Variants in ZNF490 observed in about 807,000 individuals in gnomAD.
ZNF490 encodes zinc finger protein 490.
Under a neutral mutation model 17.7 loss-of-function variants are expected in ZNF490, and 11 were observed. The ratio of observed to expected loss-of-function variants is 0.62; its 90% CI spans 0.39 to 1.03. ZNF490 has a LOEUF of 1.03. Ranked by LOEUF, ZNF490 falls within the 50% of genes least tolerant of loss-of-function variation. The probability of loss-of-function intolerance (pLI) is 0.00; values close to 1 mark genes in which losing one functional copy is unlikely to be tolerated. For missense variants in ZNF490, 542 were observed against 643.4 expected, an observed-to-expected ratio of 0.84 and a Z score of 1.71; for synonymous variants, 222 against 216.1, an observed-to-expected ratio of 1.03 and a Z score of -0.24.
Position 12,580,158 on chromosome 19 carries a change from G to C in ZNF490, c.*327C>G. The C allele has an allele frequency of 2.8e-6, 3 of 1,056,286 alleles. No homozygotes were observed. The highest frequency in any genetic ancestry group is 3.4e-6 in the Non-Finnish European group (3 of 875,840). The allele number at this position is 1,056,286 out of a possible 1,614,324, so 65.4% of individuals were successfully genotyped here. ...CCCCACAAAAGATGGGATGGATATA[G>C]AATTTTCTTTATAGTTTCTCTCCAG... On this transcript the variant is annotated 3_prime_UTR_variant, in exon 5 of 5. Transcript: ENST00000311437.
Position 12,581,464 on chromosome 19 carries a change from G to A in ZNF490, c.611C>T (p.Thr204Ile). The A allele has an allele frequency of 6.2e-7, 1 of 1,614,238 alleles. No individual in the cohort carries two copies. The highest frequency in any genetic ancestry group is 8.5e-7 in the Non-Finnish European group (1 of 1,180,046). Reference protein sequence around the residue: ...HKCKECGKTFTRSSSIRTHER... With the variant: ...HKCKECGKTFIRSSSIRTHER... ...ATGGGTTCGAATACTGGAGCTGCGA[G>A]TGAAGGTTTTCCCACATTCTTTGCA... Residue 204 changes from threonine (T) to isoleucine (I), a missense_variant, in exon 5 of 5, where the codon ACT becomes ATT. Physicochemically the swap from Thr to Ile is moderately conservative, Grantham distance 89. Transcript: ENST00000311437.
chr19:12,604,923 G>A (rs1243989055), intron 2 of ZNF490, among the ~76,000 whole-genome samples: 1 of 151,988 alleles, frequency 6.6e-6, no homozygotes, highest in Non-Finnish European at 1.5e-5. Context: ...GGAGGCCAAG[G>A]CAGATGGATC....
intron 2 of ZNF490, among the ~76,000 whole-genome samples, chr19:12,587,678 T>C (rs1354005617): frequency 1.1e-5 from 1 of 91,794 alleles, no homozygotes; most frequent in Non-Finnish European, 2.9e-5. Context: ...GAGAAAGATA[T>C]ACTATGCTAA....
At position 12,581,344 on chromosome 19, in the gene ZNF490, T is replaced by G. The variant is rs1293810244; in HGVS notation, c.731A>C (p.His244Pro). The change falls in exon 5 of 5, where the codon CAT becomes CCT. Residue 244 changes from histidine (H) to proline (P), a missense_variant. Physicochemically the swap from His to Pro is moderately conservative, Grantham distance 77. Transcript: ENST00000311437. The stretch of plus-strand genomic sequence containing the variant: ...ACATTCATAGGGTGTCTCTCCAGTA[T>G]GAATTCTTATATGGTTTCGAAAGGA... ...LFSFRNHIRIHTGETPYECKE... is the reference protein window; with the variant it reads ...LFSFRNHIRIPTGETPYECKE... 1 of 1,614,220 alleles carries G rather than the reference T, an allele frequency of 6.2e-7. No individual in the cohort carries two copies. The highest frequency in any genetic ancestry group is 1.7e-5 in the Admixed American group (1 of 60,022).
intron 2 of ZNF490, among the ~76,000 whole-genome samples, chr19:12,599,889 T>A (rs1405071567): frequency 6.6e-6 from 1 of 152,162 alleles, no homozygotes; most frequent in East Asian, 1.9e-4. Context: ...TTAAAGGGGG[T>A]ATTATCCAGT....
intron 2 of ZNF490, among the ~76,000 whole-genome samples, chr19:12,594,432 C>T (rs1341672644): frequency 6.6e-6 from 1 of 150,916 alleles, no homozygotes; most frequent in Non-Finnish European, 1.5e-5. Flanking sequence ...TGCTACTGCA[C>T]TCCAACCTGG....
At chr19:12,582,004 C>G (rs373498558) in intron 4 of ZNF490, among the ~76,000 whole-genome samples, 47 of 152,296 alleles carry the variant, frequency 3.1e-4, no homozygotes, top group African/African-American at 1.1e-3. Context: ...TCACTGCAAC[C>G]TCCGCCTCCT....
Position 12,577,316 on chromosome 19 carries a change from C to T in ZNF490, c.*3169G>A, listed in dbSNP as rs2022655872. ...ACTCCCATTCCTGTAGCAGAGATAC[C>T]CCTTAGTTCCCCAATACCTATCACA... On this transcript the variant is annotated 3_prime_UTR_variant, in exon 5 of 5. Transcript: ENST00000311437. Among the ~76,000 whole-genome samples, 1 of 152,088 alleles carries T rather than the reference C, an allele frequency of 6.6e-6. No homozygotes were observed. Among genetic ancestry groups the T allele is most frequent in the African/African-American group, 2.4e-5 (1 of 41,410 alleles).
rs2022648897 is a variant in ZNF490 at position 12,576,910 on chromosome 19, TCACACAC to T, written c.*3568_*3574del. Among the ~76,000 whole-genome samples, 1 of 144,594 alleles carries T rather than the reference TCACACAC, an allele frequency of 6.9e-6. No individual in the cohort carries two copies. Among genetic ancestry groups the T allele is most frequent in the Non-Finnish European group, 1.5e-5 (1 of 66,670 alleles). 94.9% of individuals were successfully genotyped at this position (144,594 alleles called of 152,430 possible). A position where few individuals can be genotyped will look rare whatever the true frequency, so the allele number is the denominator to read the frequency against. On this transcript the variant is annotated 3_prime_UTR_variant, in exon 5 of 5. Coordinates refer to ENST00000311437, the MANE Select transcript of ZNF490 (RefSeq NM_020714.3). ...AGCCCTCTAGACAAATATACAAAAA[TCACACAC>T]GTTATCACTGTACATACAGGTGGAC...
chr19:12,598,841 G>C (rs1057396736), intron 2 of ZNF490, among the ~76,000 whole-genome samples: 1 of 151,816 alleles, frequency 6.6e-6, no homozygotes, highest in Non-Finnish European at 1.5e-5. Context: ...ACAAAAATTA[G>C]CTAGGCATGG....
intron 2 of ZNF490, among the ~76,000 whole-genome samples, chr19:12,606,189 A>ATT (rs140363828): frequency 1.7e-3 from 239 of 139,244 alleles, no homozygotes; most frequent in African/African-American, 6.0e-3. Flanking sequence ...CTAAAATAGG[A>ATT]TTTTTTTTTT....
At chr19:12,596,695 T>C (rs2022937935) in intron 2 of ZNF490, among the ~76,000 whole-genome samples, 1 of 151,954 alleles carries the variant, frequency 6.6e-6, no homozygotes, top group African/African-American at 2.4e-5. Flanking sequence ...TTGAGAGCGG[T>C]AGCCCAGACA....
In ZNF490 at chr19:12,610,592, G is replaced by T; in HGVS notation, c.89C>A (p.Thr30Lys). ...QSKWSSSQGRTGTGGSDVLQM... is the reference protein window; with the variant it reads ...QSKWSSSQGRKGTGGSDVLQM... ...GAGGACATCAGACCCTCCTGTTCCT[G>T]TGCGGCCTTGACTAGACGACCACTT... Residue 30 changes from threonine to lysine, a missense_variant, in exon 1 of 5, where the codon ACA (threonine) becomes AAA (lysine). Coordinates refer to ENST00000311437, the MANE Select transcript of ZNF490 (RefSeq NM_020714.3). The T allele has an allele frequency of 6.2e-7, 1 of 1,613,972 alleles. No individual in the cohort carries two copies. The highest frequency in any genetic ancestry group is 1.1e-5 in the South Asian group (1 of 91,070).
At chr19:12,590,830 C>A (rs1426053341) in intron 2 of ZNF490, among the ~76,000 whole-genome samples, 2 of 151,804 alleles carry the variant, frequency 1.3e-5, no homozygotes, top group Non-Finnish European at 2.9e-5. Flanking sequence ...GTAATCCCAG[C>A]ACTTTGGGAG....
intron 2 of ZNF490, among the ~76,000 whole-genome samples, chr19:12,591,126 T>C (rs1334430184): frequency 6.7e-6 from 1 of 149,246 alleles, no homozygotes; most frequent in South Asian, 2.1e-4. Context: ...CGGTGGCTCA[T>C]GCCTGTAATC....
At chr19:12,588,456 G>A (rs1209007341) in intron 2 of ZNF490, among the ~76,000 whole-genome samples, 1 of 152,162 alleles carries the variant, frequency 6.6e-6, no homozygotes, top group Non-Finnish European at 1.5e-5. Context: ...CATAACCACA[G>A]AGTGGCAAAA....
intron 2 of ZNF490, among the ~76,000 whole-genome samples, chr19:12,590,922 A>T (rs2022861972): frequency 4.4e-5 from 1 of 22,512 alleles, no homozygotes; most frequent in East Asian, 2.9e-4. Flanking sequence ...CTATTTCTTT[A>T]AAAAAAAAAA....
At chr19:12,589,529 T>C (rs1048174581) in intron 2 of ZNF490, among the ~76,000 whole-genome samples, 1 of 151,136 alleles carries the variant, frequency 6.6e-6, no homozygotes, top group Non-Finnish European at 1.5e-5. Context: ...CATCTATTTA[T>C]GATAGCAAAC....
intron 2 of ZNF490, among the ~76,000 whole-genome samples, chr19:12,606,177 G>C (rs1263787180): frequency 3.3e-5 from 5 of 151,602 alleles, no homozygotes; most frequent in Non-Finnish European, 5.9e-5. Context: ...ACCGCGCCTG[G>C]CCTAAAATAG....
Sources: allele counts gnomAD v4.1 joint callset (sites outside exome capture counted in the v4.1 genomes callset), GRCh38; gene constraint gnomAD v4.1.1; transcripts MANE v1.5; gene names NCBI Gene and HGNC (gene_info 2026-07-23, HGNC 2026-07-21).